Variants in EPHA7 observed in about 807,000 individuals in gnomAD.
The protein encoded by EPHA7 is EPH receptor A7.
A neutral mutation model predicts 112.6 loss-of-function variants in EPHA7; 25 were observed. The observed-to-expected ratio is 0.22, with a 90% CI of 0.16 to 0.31. The LOEUF is 0.31. EPHA7 is among the 10% of genes least tolerant of loss of function. The pLI, the probability that EPHA7 is intolerant of heterozygous loss-of-function variation, is 1.00. For synonymous variants in EPHA7, 437 were observed against 406.5 expected (o/e 1.07, Z -0.90); for missense variants, 962 against 1,212.6 (o/e 0.79, Z 3.07).
At chr6:93,287,525 CT>C (rs552818821) in intron 5 of EPHA7, among the ~76,000 whole-genome samples, 5,640 of 138,046 alleles carry the variant, frequency 0.041, 328 homozygotes, top group African/African-American at 0.13. Flanking sequence ...CTGGTTGATT[CT>C]TTTTTTTTTT....
intron 3 of EPHA7, among the ~76,000 whole-genome samples, chr6:93,403,921 T>C (rs1360877823): frequency 6.6e-6 from 1 of 152,056 alleles, no homozygotes; most frequent in Non-Finnish European, 1.5e-5. Flanking sequence ...TTGTGAGATA[T>C]ATAATTGTTA....
intron 5 of EPHA7, among the ~76,000 whole-genome samples, chr6:93,300,418 A>G (rs548215190): frequency 6.6e-6 from 1 of 152,332 alleles, no homozygotes. Flanking sequence ...AGAGCCATAC[A>G]GAACACACCT....
chr6:93,374,572 T>G (rs770427188), intron 3 of EPHA7, among the ~76,000 whole-genome samples: 1 of 152,224 alleles, frequency 6.6e-6, no homozygotes, highest in Admixed American at 6.5e-5. Flanking sequence ...TTATAGTCAT[T>G]GTAATTTTAT....
chr6:93,395,378 T>C (rs1582661865), intron 3 of EPHA7, among the ~76,000 whole-genome samples: 1 of 151,820 alleles, frequency 6.6e-6, no homozygotes, highest in African/African-American at 2.4e-5. Flanking sequence ...TCTCTTTCTG[T>C]AACTAGGCAC....
rs1323710870 is a variant in EPHA7 at position 93,240,427 on chromosome 6, G to T, written c.*2999C>A. The T allele has an allele frequency of 4.6e-6, 1 of 218,770 alleles. No homozygotes were observed. Among genetic ancestry groups the T allele is most frequent in the Non-Finnish European group, 9.2e-6 (1 of 109,066 alleles). 13.6% of individuals were successfully genotyped at this position (218,770 alleles called of 1,614,324 possible). A position where few individuals can be genotyped will look rare whatever the true frequency, so the allele number is the denominator to read the frequency against. On this transcript the variant is annotated 3_prime_UTR_variant, in exon 17 of 17. Coordinates refer to ENST00000369303, the MANE Select transcript of EPHA7 (RefSeq NM_004440.4). Reference sequence around the variant, plus strand: ...GGATAAGAAGAGCAATTAAAATATAGTCCTAAACAGTACTAGCTAATGTAG... The same window carrying T: ...GGATAAGAAGAGCAATTAAAATATATTCCTAAACAGTACTAGCTAATGTAG...
intron 5 of EPHA7, among the ~76,000 whole-genome samples, chr6:93,340,718 T>C (rs1317958469): frequency 6.6e-6 from 1 of 152,014 alleles, no homozygotes; most frequent in Non-Finnish European, 1.5e-5. Flanking sequence ...GGGAAACTAA[T>C]ACTTGGGTAA....
At chr6:93,377,429 T>A (rs1292189939) in intron 3 of EPHA7, among the ~76,000 whole-genome samples, 3 of 152,144 alleles carry the variant, frequency 2.0e-5, no homozygotes, top group African/African-American at 7.2e-5. Context: ...AACCATAATT[T>A]CATTAGAAAA....
chr6:93,244,199 GC>G (rs1433395945), intron 16 of EPHA7, among the ~76,000 whole-genome samples: 2 of 152,104 alleles, frequency 1.3e-5, no homozygotes, highest in African/African-American at 2.4e-5. Context: ...TTTACAAGCA[GC>G]TAAAATATTG....
chr6:93,331,306 T>G (rs1180639092), intron 5 of EPHA7, among the ~76,000 whole-genome samples: 1 of 151,394 alleles, frequency 6.6e-6, no homozygotes, highest in Non-Finnish European at 1.5e-5. Context: ...TAAAATCGTG[T>G]TTTTTAAGAT....
chr6:93,397,924 C>T (rs1192477969), intron 3 of EPHA7, among the ~76,000 whole-genome samples: 1 of 151,864 alleles, frequency 6.6e-6, no homozygotes. Flanking sequence ...TCAACTTTAT[C>T]CCAGCTTGTA....
At chr6:93,406,286 A>AT (rs1170000453) in intron 3 of EPHA7, among the ~76,000 whole-genome samples, 1 of 151,650 alleles carries the variant, frequency 6.6e-6, no homozygotes, top group Admixed American at 6.6e-5. Flanking sequence ...ATGTCTTTGA[A>AT]TTTTTTACTT....
chr6:93,336,643 T>C (rs544273855), intron 5 of EPHA7, among the ~76,000 whole-genome samples: 510 of 152,128 alleles, frequency 3.4e-3, no homozygotes, highest in Non-Finnish European at 6.1e-3. Context: ...CCTTGTGATC[T>C]GCCCGCCTTG....
chr6:93,311,825 T>G (rs975543565), intron 5 of EPHA7, among the ~76,000 whole-genome samples: 3 of 152,162 alleles, frequency 2.0e-5, no homozygotes, highest in Non-Finnish European at 2.9e-5. Flanking sequence ...AAAGGTGAAA[T>G]TACTCTTTAA....
intron 5 of EPHA7, among the ~76,000 whole-genome samples, chr6:93,346,125 G>A (rs942900239): frequency 5.3e-5 from 8 of 151,600 alleles, no homozygotes; most frequent in African/African-American, 1.9e-4. Flanking sequence ...ATAGGAATTG[G>A]GATTGGGGGA....
At chr6:93,249,197 T>C (rs1206022813) in intron 14 of EPHA7, among the ~76,000 whole-genome samples, 1 of 152,116 alleles carries the variant, frequency 6.6e-6, no homozygotes, top group East Asian at 1.9e-4. Context: ...CTCTAAAATA[T>C]CCCTTTTAAA....
intron 2 of EPHA7, 120 bp downstream of exon 2, chr6:93,414,583 A>G: frequency 1.3e-6 from 1 of 753,866 alleles, no homozygotes; most frequent in Middle Eastern, 3.3e-4. Context: ...ATAATATTGG[A>G]CAAGATATTT....
intron 5 of EPHA7, among the ~76,000 whole-genome samples, chr6:93,315,447 C>A (rs1245507541): frequency 6.6e-6 from 1 of 152,226 alleles, no homozygotes; most frequent in Non-Finnish European, 1.5e-5. Flanking sequence ...CTAAATCATG[C>A]AAATCTATGA....
intron 5 of EPHA7, among the ~76,000 whole-genome samples, chr6:93,354,840 C>T (rs560026287): frequency 1.8e-4 from 27 of 151,984 alleles, no homozygotes; most frequent in Non-Finnish European, 3.5e-4. Flanking sequence ...CCCAAAGTGG[C>T]CAATTTGACA....
At chr6:93,406,968 T>A (rs938446311) in intron 3 of EPHA7, among the ~76,000 whole-genome samples, 23 of 150,538 alleles carry the variant, frequency 1.5e-4, no homozygotes, top group Admixed American at 4.6e-4. Flanking sequence ...AAAATGACAA[T>A]AAAAGTATAC....
Sources: gnomAD v4.1 joint callset for allele counts (sites outside exome capture counted in the v4.1 genomes callset) on GRCh38, gnomAD v4.1.1 for gene constraint, MANE v1.5 for transcripts, NCBI Gene and HGNC (gene_info 2026-07-23, HGNC 2026-07-21) for gene names.